The following MOXD1 variants were observed in gnomAD, a reference collection of about 807,000 sequenced individuals.
The protein encoded by MOXD1 is monooxygenase DBH like 1, also known as DBH-like monooxygenase protein 1.
In MOXD1, 62 loss-of-function variants were observed where a neutral mutation model predicts 66.6. The ratio of observed to expected loss-of-function variants is 0.93; its 90% CI spans 0.76 to 1.15. The LOEUF is 1.15. MOXD1 is among the 50% of genes most tolerant of loss of function. MOXD1 has a pLI of 0.00. For synonymous variants in MOXD1, 303 were observed against 281.9 expected (o/e 1.07, Z -0.75); for missense variants, 847 against 754.6 (o/e 1.12, Z -1.44).
chr6:132,303,294 T>C (rs1323884474), intron 10 of MOXD1, among the ~76,000 whole-genome samples: 1 of 152,088 alleles, frequency 6.6e-6, no homozygotes, highest in Non-Finnish European at 1.5e-5. Flanking sequence ...TAAAGAATTC[T>C]TACAACTCAG....
chr6:132,384,285 CCTT>C (rs201644226), intron 1 of MOXD1, among the ~76,000 whole-genome samples: 3 of 94,910 alleles, frequency 3.2e-5, no homozygotes, highest in Non-Finnish European at 2.1e-5. Context: ...TTCCTTCCTT[CCTT>C]CCTCCTTCCT....
chr6:132,306,650 T>C (rs1489136555), intron 10 of MOXD1, among the ~76,000 whole-genome samples: 1 of 152,142 alleles, frequency 6.6e-6, no homozygotes, highest in Admixed American at 6.5e-5. Context: ...CCCATCAGAC[T>C]AACAGTGGAC....
At chr6:132,339,457 C>G (rs1033608200) in intron 4 of MOXD1, among the ~76,000 whole-genome samples, 2 of 152,170 alleles carry the variant, frequency 1.3e-5, no homozygotes, top group Non-Finnish European at 2.9e-5. Context: ...TGATGCATCA[C>G]ACATGAATCT....
intron 1 of MOXD1, among the ~76,000 whole-genome samples, chr6:132,379,540 T>G (rs1776469438): frequency 6.6e-6 from 1 of 152,186 alleles, no homozygotes; most frequent in Non-Finnish European, 1.5e-5. Context: ...CCTGACTCTA[T>G]TTTCACCTCC....
intron 4 of MOXD1, among the ~76,000 whole-genome samples, chr6:132,330,859 T>C (rs1775302920): frequency 6.6e-6 from 1 of 152,196 alleles, no homozygotes; most frequent in Non-Finnish European, 1.5e-5. Context: ...CGTGTCTGAA[T>C]GGGCAGCCAA....
intron 1 of MOXD1, among the ~76,000 whole-genome samples, chr6:132,397,552 T>C (rs1056355180): frequency 1.3e-5 from 2 of 151,540 alleles, no homozygotes; most frequent in East Asian, 1.9e-4. Context: ...TATATGATGG[T>C]TGAATTGTTG....
chr6:132,339,325 A>G (rs1287964768), intron 4 of MOXD1, among the ~76,000 whole-genome samples: 1 of 152,190 alleles, frequency 6.6e-6, no homozygotes, highest in Non-Finnish European at 1.5e-5. Context: ...TTCGTTCAAG[A>G]GATGTTCCTA....
At chr6:132,392,862 G>T (rs563423148) in intron 1 of MOXD1, among the ~76,000 whole-genome samples, 4 of 152,172 alleles carry the variant, frequency 2.6e-5, no homozygotes, top group African/African-American at 9.7e-5. Context: ...AGTCAAAAAG[G>T]TTAAAATGGG....
chr6:132,401,293 C>T lies in MOXD1; in HGVS notation c.134G>A (p.Gly45Asp), dbSNP rs1777021191. Residue 45 changes from glycine (G) to aspartate (D), a missense_variant, in exon 1 of 12, where the codon GGC (glycine) becomes GAC (aspartate). Physicochemically the swap from Gly to Asp is moderately conservative, Grantham distance 94. Coordinates refer to ENST00000367963, the MANE Select transcript of MOXD1 (RefSeq NM_015529.4). The stretch of plus-strand genomic sequence containing the variant: ...CTGGAGGCGGAAGGCGATCTGGCTG[C>T]CCCGCTGGCTCCAGCCCAGCCAGTA... Reference protein sequence around the residue: ...GKYWLGWSQRGSQIAFRLQVR... With the variant: ...GKYWLGWSQRDSQIAFRLQVR... The T allele has an allele frequency of 2.5e-6, 4 of 1,598,064 alleles. No individual in the cohort carries two copies. The highest frequency in any genetic ancestry group is 3.4e-6 in the Non-Finnish European group (4 of 1,177,392).
intron 10 of MOXD1, among the ~76,000 whole-genome samples, chr6:132,300,873 G>A (rs564993752): frequency 9.9e-5 from 15 of 152,138 alleles, no homozygotes; most frequent in Middle Eastern, 6.8e-3. Flanking sequence ...CCACTAACTT[G>A]GTTTAGGCCC....
intron 4 of MOXD1, among the ~76,000 whole-genome samples, chr6:132,346,610 G>A (rs970332861): frequency 3.3e-5 from 5 of 152,156 alleles, no homozygotes; most frequent in African/African-American, 7.2e-5. Flanking sequence ...AGTAAGTTCT[G>A]TTCTATCTGG....
chr6:132,320,547 G>C (rs1414273206), intron 9 of MOXD1, 82 bp downstream of exon 9: 13 of 1,181,112 alleles, frequency 1.1e-5, no homozygotes, highest in Non-Finnish European at 1.4e-5. Context: ...AAATGGAAAT[G>C]GTTTTTACCT....
intron 10 of MOXD1, among the ~76,000 whole-genome samples, chr6:132,310,397 G>A (rs544127226): frequency 4.6e-5 from 7 of 152,240 alleles, no homozygotes; most frequent in East Asian, 1.9e-4. Flanking sequence ...ACTGTTGGTC[G>A]GAATGTAAAT....
At chr6:132,386,434 AAAAAAAAAAAAC>A (rs1562300071) in intron 1 of MOXD1, among the ~76,000 whole-genome samples, 1 of 111,842 alleles carries the variant, frequency 8.9e-6, no homozygotes, top group Non-Finnish European at 1.9e-5. Flanking sequence ...AAAACAAAAC[AAAAAAAAAAAAC>A]AAAAAAAAAA....
Position 132,347,544 on chromosome 6 carries a change from G to C in MOXD1, c.664-18950C>G, listed in dbSNP as rs553752809. Among the ~76,000 whole-genome samples, 3 of 152,148 alleles carry C rather than the reference G, an allele frequency of 2.0e-5. No individual in the cohort carries two copies. In the South Asian group the frequency reaches 6.2e-4, roughly 32 times the overall value. ...ATACAAAAATTAGCCAGGTGTGTTG[G>C]TGGGTGCCTGTAATCCCAGCTACTT... On this transcript the variant is annotated intron_variant, in intron 4 of 11. Transcript: ENST00000367963.
intron 1 of MOXD1, among the ~76,000 whole-genome samples, chr6:132,384,977 G>T (rs1486658367): frequency 6.6e-6 from 1 of 152,210 alleles, no homozygotes; most frequent in East Asian, 1.9e-4. Context: ...CCTGGCAGTG[G>T]TCCTGCAGGT....
At chr6:132,350,183 T>G (rs1442729953) in intron 4 of MOXD1, among the ~76,000 whole-genome samples, 1 of 152,210 alleles carries the variant, frequency 6.6e-6, no homozygotes, top group African/African-American at 2.4e-5. Context: ...GGGTTCTTGG[T>G]CATGAAATCC....
intron 4 of MOXD1, among the ~76,000 whole-genome samples, chr6:132,349,710 A>G (rs537371646): frequency 1.3e-5 from 2 of 151,866 alleles, no homozygotes; most frequent in Non-Finnish European, 2.9e-5. Context: ...TGTTTGCCAT[A>G]GTGGCCTTAC....
At chr6:132,333,053 T>G (rs139365714) in intron 4 of MOXD1, among the ~76,000 whole-genome samples, 1 of 152,102 alleles carries the variant, frequency 6.6e-6, no homozygotes, top group African/African-American at 2.4e-5. Flanking sequence ...ATACTGAGGC[T>G]GGGCCGGGCG....
Sources: allele counts gnomAD v4.1 joint callset (sites outside exome capture counted in the v4.1 genomes callset), GRCh38; gene constraint gnomAD v4.1.1; transcripts MANE v1.5; gene names NCBI Gene and HGNC (gene_info 2026-07-23, HGNC 2026-07-21).